Variants in MBOAT4 observed in about 807,000 individuals in gnomAD.
MBOAT4 encodes membrane-bound ghrelin O-acyltransferase MBOAT4.
In MBOAT4, 11 loss-of-function variants were observed where a neutral mutation model predicts 13.2. The ratio of observed to expected loss-of-function variants is 0.84; its 90% confidence interval spans 0.53 to 1.38. The LOEUF (loss-of-function observed/expected upper bound fraction) is 1.38. Among genes scored for constraint, MBOAT4 ranks in the 40% most tolerant of loss-of-function variants. The probability of loss-of-function intolerance (pLI) is 0.00; values close to 1 mark genes in which losing one functional copy is unlikely to be tolerated. For synonymous variants in MBOAT4, 202 were observed against 210.3 expected, an observed-to-expected ratio of 0.96 and a Z score of 0.34; for missense variants, 481 against 527.2, an observed-to-expected ratio of 0.91 and a Z score of 0.86.
At chr8:30,143,969 T>G (rs1803306087) in intron 1 of MBOAT4, among the ~76,000 whole-genome samples, 1 of 152,220 alleles carries the variant, frequency 6.6e-6, no homozygotes, top group Admixed American at 6.5e-5. Context: ...CTTACATCAG[T>G]GCAGGAAGGA....
rs1180373607 is a variant in MBOAT4, at chr8:30,138,763, G to C, written c.120-7C>G. The C allele has an allele frequency of 7.1e-6, 11 of 1,544,762 alleles. No homozygotes were observed. The highest frequency in any genetic ancestry group is 1.8e-6 in the Non-Finnish European group (2 of 1,142,636). ...AGTCAGGAGAAAGAGGTACCTGAAA[G>C]AGAAGGGACACCTTGGGGAGAATGA... On this transcript the variant is annotated splice_region_variant and splice_polypyrimidine_tract_variant and intron_variant, in intron 1 of 2. Coordinates refer to ENST00000320542, the MANE Select transcript of MBOAT4 (RefSeq NM_001100916.2).
intron 2 of MBOAT4, chr8:30,137,497 C>T: frequency 6.4e-7 from 1 of 1,550,566 alleles, no homozygotes; most frequent in South Asian, 1.2e-5. Flanking sequence ...CTCTCAGGCA[C>T]AATGACAACT....
chr8:30,136,041 A>G (rs1803131855), intron 2 of MBOAT4, among the ~76,000 whole-genome samples: 1 of 152,224 alleles, frequency 6.6e-6, no homozygotes, highest in East Asian at 1.9e-4. Context: ...AGATTTAAGA[A>G]AAACTGACCC....
At chr8:30,142,963 G>C (rs1427278900) in intron 1 of MBOAT4, among the ~76,000 whole-genome samples, 1 of 152,080 alleles carries the variant, frequency 6.6e-6, no homozygotes, top group Non-Finnish European at 1.5e-5. Flanking sequence ...GTGGCCCTTT[G>C]GCAACAGATT....
rs550697228 is a variant in MBOAT4, at chr8:30,139,240, AC to A, written c.120-485del. Among the ~76,000 whole-genome samples the A allele has an allele frequency of 1.7e-3, 256 of 150,916 alleles. 4 individuals are homozygous for A. The highest frequency in any genetic ancestry group is 5.3e-3 in the African/African-American group (216 of 40,992). On this transcript the variant is annotated intron_variant, in intron 1 of 2. Transcript: ENST00000320542. ...AATCCTACAATTGCAGGCATGAGCC[AC>A]CCCCCTGGCCTGGAGACAAATCTCA...
intron 2 of MBOAT4, among the ~76,000 whole-genome samples, chr8:30,135,913 GA>G (rs36032566): frequency 3.3e-4 from 42 of 128,858 alleles, no homozygotes; most frequent in Middle Eastern, 3.8e-3. Context: ...GACCTTGTCT[GA>G]AAAAAAAAAA....
intron 2 of MBOAT4, among the ~76,000 whole-genome samples, chr8:30,136,763 C>T (rs1220531518): frequency 1.3e-4 from 19 of 150,632 alleles, no homozygotes; most frequent in African/African-American, 4.6e-4. Context: ...GTGTCTCCCT[C>T]TGTCACCCAG....
intron 1 of MBOAT4, among the ~76,000 whole-genome samples, chr8:30,143,579 A>C (rs1803300414): frequency 6.6e-6 from 1 of 152,036 alleles, no homozygotes; most frequent in Non-Finnish European, 1.5e-5. Context: ...GCTGTCTCTA[A>C]TGTGTTGAGG....
Position 30,132,537 on chromosome 8 carries a change from G to A in MBOAT4, c.714C>T (p.Phe238=), listed in dbSNP as rs139376997. 37 of 1,551,738 alleles carry A rather than the reference G, an allele frequency of 2.4e-5. No individual in the cohort carries two copies. The East Asian group carries it at 2.4e-4, about 10-fold the overall frequency. ...TGGTCCACACGACATAGATGCACTCGAATTGCTGGCAATCAGTCAGTCCCG... is the reference window on the plus strand; with the variant it reads ...TGGTCCACACGACATAGATGCACTCAAATTGCTGGCAATCAGTCAGTCCCG... ...AGAGLTDCQQ[F]ECIYVVWTTA... Residue 238 remains phenylalanine, a synonymous_variant, in exon 3 of 3, where the codon TTC becomes TTT. Coordinates refer to ENST00000320542, the MANE Select transcript of MBOAT4 (RefSeq NM_001100916.2).
At chr8:30,132,953 C>A in intron 2 of MBOAT4, 47 bp from the exon 3 acceptor site, 1 of 1,373,570 alleles carries the variant, frequency 7.3e-7, no homozygotes. Context: ...TGTATTTATT[C>A]TCTCTCTCTT....
intron 2 of MBOAT4, among the ~76,000 whole-genome samples, chr8:30,136,499 C>T (rs1803142659): frequency 6.6e-6 from 1 of 152,304 alleles, no homozygotes; most frequent in South Asian, 2.1e-4. Context: ...ATGGCAGCAG[C>T]CCTGCCCGAC....
At chr8:30,137,308 G>A in intron 2 of MBOAT4, 5 of 1,551,698 alleles carry the variant, frequency 3.2e-6, no homozygotes, top group Non-Finnish European at 4.4e-6. Context: ...GATGGGAACA[G>A]CTGAGTCTGA....
chr8:30,143,913 A>C (rs980268580), intron 1 of MBOAT4, among the ~76,000 whole-genome samples: 1 of 152,216 alleles, frequency 6.6e-6, no homozygotes, highest in Non-Finnish European at 1.5e-5. Context: ...ATCTCTCCTG[A>C]GAGTTTATTT....
intron 2 of MBOAT4, chr8:30,137,273 T>C: frequency 1.3e-6 from 2 of 1,551,212 alleles, no homozygotes; most frequent in Non-Finnish European, 1.7e-6. Flanking sequence ...GTTTTCTAGA[T>C]GGGGCGCCTA....
chr8:30,137,512 C>T (rs1803175714), intron 2 of MBOAT4: 1 of 1,537,980 alleles, frequency 6.5e-7, no homozygotes, highest in Non-Finnish European at 8.8e-7. Context: ...ACAACTACTG[C>T]TCAGTGCCAG....
rs375112131 is a variant in MBOAT4, at chr8:30,137,278, C to T, written c.344+1254G>A. 29 of 1,551,152 alleles carry T rather than the reference C, an allele frequency of 1.9e-5. 1 individual carries two copies. The African/African-American group carries it at 2.2e-4, about 12-fold the overall frequency. ...CTTGATTTCTGTTTTCTAGATGGGG[C>T]GCCTACCCTTCTTCAGCAAGATGGG... On this transcript the variant is annotated intron_variant, in intron 2 of 2. Coordinates refer to ENST00000320542, the MANE Select transcript of MBOAT4 (RefSeq NM_001100916.2).
At chr8:30,142,722 T>C (rs1803282439) in intron 1 of MBOAT4, among the ~76,000 whole-genome samples, 1 of 152,178 alleles carries the variant, frequency 6.6e-6, no homozygotes, top group South Asian at 2.1e-4. Flanking sequence ...TGCACTCATG[T>C]TGCTTTATTG....
chr8:30,136,269 A>G (rs1241158152), intron 2 of MBOAT4, among the ~76,000 whole-genome samples: 1 of 152,202 alleles, frequency 6.6e-6, no homozygotes, highest in Non-Finnish European at 1.5e-5. Context: ...TCCAATATGC[A>G]CAGAGTCCTT....
At chr8:30,143,067 C>T (rs1343423832) in intron 1 of MBOAT4, among the ~76,000 whole-genome samples, 1 of 152,148 alleles carries the variant, frequency 6.6e-6, no homozygotes, top group Non-Finnish European at 1.5e-5. Flanking sequence ...GTACTGTGCT[C>T]ACTACCTGGG....
Sources: gnomAD v4.1 joint callset for allele counts (sites outside exome capture counted in the v4.1 genomes callset) on GRCh38, gnomAD v4.1.1 for gene constraint, MANE v1.5 for transcripts, NCBI Gene and HGNC (gene_info 2026-07-23, HGNC 2026-07-21) for gene names.